The following GRM5 variants were observed in gnomAD, a reference collection of about 807,000 sequenced individuals.
GRM5 encodes glutamate metabotropic receptor 5.
Under a neutral mutation model 83.1 loss-of-function variants are expected in GRM5, and 19 were observed. The ratio of observed to expected loss-of-function variants is 0.23; its 90% confidence interval spans 0.16 to 0.34. GRM5 has a LOEUF of 0.34. Ranked by LOEUF, GRM5 falls within the 10% of genes least tolerant of loss-of-function variation. The probability of loss-of-function intolerance (pLI) is 1.00; values close to 1 mark genes in which losing one functional copy is unlikely to be tolerated. For synonymous variants in GRM5, 675 were observed against 633.6 expected, an observed-to-expected ratio of 1.07 and a Z score of -0.98; for missense variants, 1,160 against 1,588.3, an observed-to-expected ratio of 0.73 and a Z score of 4.58.
At chr11:88,570,571 A>ATATATATATATATATATATTTTTTTTTTT (rs1405339448) in intron 7 of GRM5, among the ~76,000 whole-genome samples, 1 of 46,374 alleles carries the variant, frequency 2.2e-5, no homozygotes, top group African/African-American at 1.3e-4. Flanking sequence ...ATATATATAT[A>ATATATATATATATATATATTTTTTTTTTT]TTTTTTTTTT....
At chr11:88,754,045 G>C (rs1942342994) in intron 3 of GRM5, among the ~76,000 whole-genome samples, 1 of 152,124 alleles carries the variant, frequency 6.6e-6, no homozygotes, top group Admixed American at 6.6e-5. Context: ...TACAAGATGA[G>C]ATTTGGGTAG....
chr11:88,636,692 T>C (rs1048918053), intron 4 of GRM5, among the ~76,000 whole-genome samples: 1 of 152,152 alleles, frequency 6.6e-6, no homozygotes, highest in African/African-American at 2.4e-5. Context: ...TTGGTAATAA[T>C]GTATTATAAT....
chr11:88,991,346 C>T (rs1364618466), intron 2 of GRM5, among the ~76,000 whole-genome samples: 3 of 152,038 alleles, frequency 2.0e-5, no homozygotes, highest in African/African-American at 7.3e-5. Flanking sequence ...CAAACCACTG[C>T]TCAAGGAAAT....
rs375206509 is a variant in GRM5 at position 88,559,066 on chromosome 11, A to G, written c.2630+7987T>C. 5.9e-5 allele frequency among the ~76,000 whole-genome samples: 9 copies of G among 152,222 alleles called. No homozygotes were observed. In the South Asian group the frequency reaches 1.9e-3, roughly 32 times the overall value. ...TGTAAAAATATTATACATAATAAAA[A>G]TAAGTCAGTCAGATTTTATTCTCAT... On this transcript the variant is annotated intron_variant, in intron 8 of 9. Transcript: ENST00000305447.
At chr11:88,997,596 C>A (rs550069028) in intron 2 of GRM5, among the ~76,000 whole-genome samples, 1 of 151,820 alleles carries the variant, frequency 6.6e-6, no homozygotes, top group South Asian at 2.1e-4. Context: ...TGAATTACCA[C>A]CATCATGACT....
intron 1 of GRM5, among the ~76,000 whole-genome samples, chr11:89,064,902 G>GTA (rs1942066422): frequency 1.3e-5 from 1 of 78,398 alleles, no homozygotes; most frequent in South Asian, 5.8e-4. Flanking sequence ...GTGTGTGTGT[G>GTA]TGTGTGTGTG....
chr11:88,969,533 C>A (rs1226178372), intron 2 of GRM5, among the ~76,000 whole-genome samples: 1 of 151,926 alleles, frequency 6.6e-6, no homozygotes, highest in Non-Finnish European at 1.5e-5. Context: ...TGGGTACTAA[C>A]AAAATAGAGT....
At chr11:88,519,096 A>G (rs1941606229) in intron 9 of GRM5, among the ~76,000 whole-genome samples, 1 of 150,732 alleles carries the variant, frequency 6.6e-6, no homozygotes, top group Non-Finnish European at 1.5e-5. Flanking sequence ...AGCTAGACTA[A>G]GACTTTTAGA....
At chr11:89,036,749 T>G (rs193150460) in intron 2 of GRM5, among the ~76,000 whole-genome samples, 1 of 143,224 alleles carries the variant, frequency 7.0e-6, no homozygotes, top group East Asian at 2.1e-4. Context: ...TCCTACTACT[T>G]AAATGAGAAT....
At chr11:88,881,809 A>G (rs1298119324) in intron 2 of GRM5, among the ~76,000 whole-genome samples, 2 of 152,234 alleles carry the variant, frequency 1.3e-5, no homozygotes, top group Non-Finnish European at 2.9e-5. Flanking sequence ...TGTGAAAATT[A>G]CAAACTAATT....
rs186352342 is a variant in GRM5 at position 88,925,147 on chromosome 11, C to T, written c.662-74992G>A. 4.8e-4 allele frequency among the ~76,000 whole-genome samples: 73 copies of T among 151,922 alleles called. No homozygotes were observed. In the East Asian group the frequency reaches 0.014, roughly 28 times the overall value. Reference sequence around the variant, plus strand: ...AATGATCGATTGGCCTCAAGATAGACAGGAAGGATTTAATTAGCTCAACAG... The same window carrying T: ...AATGATCGATTGGCCTCAAGATAGATAGGAAGGATTTAATTAGCTCAACAG... On this transcript the variant is annotated intron_variant, in intron 2 of 9. Transcript: ENST00000305447.
At chr11:88,718,823 T>C (rs183121986) in intron 3 of GRM5, among the ~76,000 whole-genome samples, 77 of 152,122 alleles carry the variant, frequency 5.1e-4, no homozygotes, top group Middle Eastern at 3.4e-3. Flanking sequence ...TCATAGTATA[T>C]ATTGGCTAAC....
intron 2 of GRM5, among the ~76,000 whole-genome samples, chr11:88,963,147 T>C (rs1938836582): frequency 6.6e-6 from 1 of 151,888 alleles, no homozygotes; most frequent in Non-Finnish European, 1.5e-5. Flanking sequence ...GATATACAAA[T>C]GCAGGCTTAA....
chr11:88,979,230 A>G (rs1381185971), intron 2 of GRM5, among the ~76,000 whole-genome samples: 2 of 152,198 alleles, frequency 1.3e-5, no homozygotes, highest in African/African-American at 4.8e-5. Context: ...CAGTCTTTTA[A>G]AACAACAGTA....
intron 8 of GRM5, among the ~76,000 whole-genome samples, chr11:88,536,548 C>A (rs79561258): frequency 0.012 from 1,874 of 152,210 alleles, 40 homozygotes; most frequent in African/African-American, 0.043. Flanking sequence ...GTATCCACTC[C>A]CCCTTTGTAC....
At chr11:88,803,314 C>G (rs1943436578) in intron 3 of GRM5, among the ~76,000 whole-genome samples, 1 of 151,898 alleles carries the variant, frequency 6.6e-6, no homozygotes, top group African/African-American at 2.4e-5. Context: ...ACCAAAACAG[C>G]ATGGTACTGG....
chr11:88,540,416 GGTGGAGGAAGGAGA>G (rs1942239488), intron 8 of GRM5, among the ~76,000 whole-genome samples: 1 of 147,966 alleles, frequency 6.8e-6, no homozygotes, highest in African/African-American at 2.5e-5. Context: ...GATGAGATGG[GGTGGAGGAAGGAGA>G]TTGGGATGTT....
intron 2 of GRM5, among the ~76,000 whole-genome samples, chr11:88,853,358 G>A (rs1221055397): frequency 6.6e-6 from 1 of 152,016 alleles, no homozygotes; most frequent in African/African-American, 2.4e-5. Context: ...AGAGGTAGAT[G>A]CAGGGAAAGT....
At chr11:88,984,346 C>A (rs1416199694) in intron 2 of GRM5, among the ~76,000 whole-genome samples, 1 of 152,058 alleles carries the variant, frequency 6.6e-6, no homozygotes, top group East Asian at 1.9e-4. Flanking sequence ...CATTTTGTTA[C>A]AATTGCCTAT....
Sources: allele counts gnomAD v4.1 joint callset (sites outside exome capture counted in the v4.1 genomes callset), GRCh38; gene constraint gnomAD v4.1.1; transcripts MANE v1.5; gene names NCBI Gene and HGNC (gene_info 2026-07-23, HGNC 2026-07-21).